The following NRXN3 variants were observed in gnomAD, a reference collection of about 807,000 sequenced individuals.
NRXN3 encodes neurexin 3.
Under a neutral mutation model 137.6 loss-of-function variants are expected in NRXN3, and 32 were observed. That is an observed-to-expected ratio of 0.23 (90% confidence interval 0.18 to 0.31). NRXN3 has a LOEUF of 0.31. NRXN3 is among the 10% of genes least tolerant of loss of function. The probability of loss-of-function intolerance (pLI) is 1.00; values close to 1 mark genes in which losing one functional copy is unlikely to be tolerated. For synonymous variants in NRXN3, 798 were observed against 784.5 expected (o/e 1.02, Z -0.29); for missense variants, 1,574 against 2,062.5 (o/e 0.76, Z 4.59).
chr14:78,388,489 A>G (rs566733029), intron 4 of NRXN3, among the ~76,000 whole-genome samples: 1 of 152,180 alleles, frequency 6.6e-6, no homozygotes, highest in East Asian at 1.9e-4. Context: ...TTTTTTTCTT[A>G]CTAAAGAAAG....
intron 15 of NRXN3, among the ~76,000 whole-genome samples, chr14:79,117,805 C>T (rs972214483): frequency 7.9e-5 from 12 of 152,156 alleles, no homozygotes; most frequent in African/African-American, 2.9e-4. Flanking sequence ...CAAGGTGAGC[C>T]CTTAAGAAAA....
intron 16 of NRXN3, among the ~76,000 whole-genome samples, chr14:79,630,278 C>A (rs960500899): frequency 6.6e-6 from 1 of 152,230 alleles, no homozygotes; most frequent in African/African-American, 2.4e-5. Context: ...ACTTGCCCCC[C>A]TCAGCATAAG....
intron 4 of NRXN3, among the ~76,000 whole-genome samples, chr14:78,450,471 C>T (rs2094525377): frequency 6.6e-6 from 1 of 152,148 alleles, no homozygotes; most frequent in Non-Finnish European, 1.5e-5. Flanking sequence ...GTCATTGTGT[C>T]ATTCACTGGT....
chr14:78,684,226 A>G (rs2098104832), intron 6 of NRXN3, among the ~76,000 whole-genome samples: 1 of 152,164 alleles, frequency 6.6e-6, no homozygotes. Context: ...TATTACAGGC[A>G]GGCCCTGGAT....
At chr14:79,225,125 G>A (rs2070591055) in intron 15 of NRXN3, among the ~76,000 whole-genome samples, 1 of 152,160 alleles carries the variant, frequency 6.6e-6, no homozygotes, top group Non-Finnish European at 1.5e-5. Flanking sequence ...GAAGCAGGGA[G>A]CCTAATGAGG....
In NRXN3 at chr14:78,508,096, A is replaced by C. The variant is rs567656525; in HGVS notation, c.758-137024A>C. Among the ~76,000 whole-genome samples, 5 of 152,330 alleles carry C rather than the reference A, an allele frequency of 3.3e-5. No individual in the cohort carries two copies. In the East Asian group the frequency reaches 9.6e-4, roughly 29 times the overall value. On this transcript the variant is annotated intron_variant, in intron 4 of 20. Coordinates refer to ENST00000335750, the MANE Select transcript of NRXN3 (RefSeq NM_001330195.2). ...GGGAGGAAAAGGTGAATGGGGATGC[A>C]TGGGTAAATACGAATGTCAATCTCA... is the stretch of plus-strand genomic sequence containing the variant.
intron 20 of NRXN3, among the ~76,000 whole-genome samples, chr14:79,819,562 A>G (rs562109387): frequency 1.1e-4 from 14 of 131,292 alleles, no homozygotes; most frequent in African/African-American, 4.1e-4. Context: ...TCGGCTCACT[A>G]CAACCTCCGC....
At chr14:79,492,962 T>C (rs1289296320) in intron 16 of NRXN3, among the ~76,000 whole-genome samples, 1 of 152,148 alleles carries the variant, frequency 6.6e-6, no homozygotes, top group Non-Finnish European at 1.5e-5. Context: ...AATGAAGAAA[T>C]GCCAAAAACA....
intron 4 of NRXN3, among the ~76,000 whole-genome samples, chr14:78,642,616 G>A (rs2097646917): frequency 6.6e-6 from 1 of 152,190 alleles, no homozygotes; most frequent in African/African-American, 2.4e-5. Context: ...AGTTGGCTTT[G>A]TGGACATCCA....
intron 4 of NRXN3, among the ~76,000 whole-genome samples, chr14:78,328,250 G>A (rs986629056): frequency 6.6e-6 from 1 of 152,070 alleles, no homozygotes; most frequent in African/African-American, 2.4e-5. Flanking sequence ...CTCATGAGAC[G>A]TTTTTGACTG....
chr14:78,355,679 C>G (rs1238341248), intron 4 of NRXN3, among the ~76,000 whole-genome samples: 2 of 152,250 alleles, frequency 1.3e-5, no homozygotes, highest in African/African-American at 2.4e-5. Context: ...CTTGGCCTCC[C>G]AAAGTGCTGG....
intron 6 of NRXN3, among the ~76,000 whole-genome samples, chr14:78,664,390 G>A (rs887211062): frequency 7.9e-5 from 12 of 151,726 alleles, no homozygotes; most frequent in African/African-American, 2.7e-4. Context: ...CTTAATCTTC[G>A]ATCTCCCATT....
chr14:78,802,779 C>A (rs1005306554), intron 8 of NRXN3, among the ~76,000 whole-genome samples: 4 of 152,040 alleles, frequency 2.6e-5, no homozygotes, highest in African/African-American at 9.7e-5. Context: ...AAACCCATCT[C>A]TACAAAATAT....
intron 17 of NRXN3, among the ~76,000 whole-genome samples, chr14:79,673,522 G>A (rs368211761): frequency 6.6e-6 from 1 of 152,084 alleles, no homozygotes; most frequent in Non-Finnish European, 1.5e-5. Flanking sequence ...CAGAAACACT[G>A]TAAAAACCTT....
intron 1 of NRXN3, among the ~76,000 whole-genome samples, chr14:78,174,321 C>T (rs1292345583): frequency 1.3e-5 from 2 of 152,164 alleles, no homozygotes; most frequent in Non-Finnish European, 2.9e-5. Context: ...TACACTCTCT[C>T]ACACACACCA....
intron 14 of NRXN3, among the ~76,000 whole-genome samples, chr14:78,976,266 C>A (rs898527830): frequency 6.6e-6 from 1 of 152,138 alleles, no homozygotes; most frequent in East Asian, 1.9e-4. Context: ...TTAATTATAA[C>A]TTCTCTTAGC....
chr14:79,279,652 G>A, intron 15 of NRXN3: 2 of 986,844 alleles, frequency 2.0e-6, no homozygotes, highest in Non-Finnish European at 2.4e-6. Context: ...AACCCAGGAA[G>A]CCGGCGGCTG....
intron 1 of NRXN3, among the ~76,000 whole-genome samples, chr14:78,204,661 A>G (rs982626966): frequency 6.6e-6 from 1 of 152,254 alleles, no homozygotes; most frequent in Non-Finnish European, 1.5e-5. Context: ...TAATATGTGC[A>G]TAGAAAAAAG....
chr14:79,457,323 C>G (rs999352291), intron 15 of NRXN3, among the ~76,000 whole-genome samples: 8 of 152,138 alleles, frequency 5.3e-5, no homozygotes, highest in African/African-American at 1.9e-4. Context: ...TTCTTCACTT[C>G]AAGGTGCTCA....
Sources: allele counts gnomAD v4.1 joint callset (sites outside exome capture counted in the v4.1 genomes callset), GRCh38; gene constraint gnomAD v4.1.1; transcripts MANE v1.5; gene names NCBI Gene and HGNC (gene_info 2026-07-23, HGNC 2026-07-21).